Variants in CCDC85A observed in about 807,000 individuals in gnomAD.
CCDC85A encodes coiled-coil domain containing 85A, also known as coiled-coil domain-containing protein 85A.
In CCDC85A, 38 loss-of-function variants were observed where a neutral mutation model predicts 50.2. The ratio of observed to expected loss-of-function variants is 0.76; its 90% CI spans 0.58 to 0.99. The LOEUF (loss-of-function observed/expected upper bound fraction) is 0.99. Among genes scored for constraint, CCDC85A ranks in the 50% least tolerant of loss-of-function variants. CCDC85A has a pLI of 0.00. For missense variants in CCDC85A, 820 were observed against 742.0 expected (o/e 1.11, Z -1.22); for synonymous variants, 366 against 301.4 (o/e 1.21, Z -2.22).
chr2:56,378,020 C>T (rs1163979367), intron 5 of CCDC85A, among the ~76,000 whole-genome samples: 1 of 152,040 alleles, frequency 6.6e-6, no homozygotes, highest in Non-Finnish European at 1.5e-5. Context: ...AAACTGGGGA[C>T]CCTTGAATAT....
At chr2:56,349,688 A>T (rs1674810246) in intron 3 of CCDC85A, among the ~76,000 whole-genome samples, 1 of 152,196 alleles carries the variant, frequency 6.6e-6, no homozygotes, top group Admixed American at 6.5e-5. Context: ...AAATATGGCC[A>T]CGCTGCTGAT....
chr2:56,312,869 G>T, intron 2 of CCDC85A, among the ~76,000 whole-genome samples: 1 of 150,160 alleles, frequency 6.7e-6, no homozygotes, highest in East Asian at 1.9e-4. Context: ...AAACTGATTT[G>T]ATATATTTGT....
chr2:56,302,769 T>C (rs560114277), intron 2 of CCDC85A, among the ~76,000 whole-genome samples: 54 of 152,370 alleles, frequency 3.5e-4, no homozygotes, highest in South Asian at 1.0e-3. Flanking sequence ...TTTATTTGTA[T>C]ATGTTACATA....
chr2:56,358,888 G>T (rs965286443), intron 3 of CCDC85A, among the ~76,000 whole-genome samples: 3 of 151,442 alleles, frequency 2.0e-5, no homozygotes, highest in Middle Eastern at 3.4e-3. Flanking sequence ...AGGTTCAAGC[G>T]CTTCTTCTGC....
intron 2 of CCDC85A, among the ~76,000 whole-genome samples, chr2:56,327,981 G>A (rs1370679456): frequency 2.0e-5 from 3 of 152,022 alleles, no homozygotes; most frequent in Admixed American, 1.3e-4. Context: ...AATCTAATAA[G>A]GAAGATACTG....
intron 3 of CCDC85A, among the ~76,000 whole-genome samples, chr2:56,371,420 A>C (rs901899577): frequency 2.0e-5 from 3 of 152,096 alleles, no homozygotes; most frequent in Non-Finnish European, 4.4e-5. Flanking sequence ...TTAAAATTTT[A>C]TGTTCTTATT....
At chr2:56,275,624 C>CAAT (rs1206070598) in intron 2 of CCDC85A, among the ~76,000 whole-genome samples, 1 of 152,144 alleles carries the variant, frequency 6.6e-6, no homozygotes, top group African/African-American at 2.4e-5. Flanking sequence ...TACTATTGAC[C>CAAT]AATACTGAGC....
At chr2:56,240,087 T>A (rs780690605) in intron 2 of CCDC85A, among the ~76,000 whole-genome samples, 5 of 152,174 alleles carry the variant, frequency 3.3e-5, no homozygotes, top group Non-Finnish European at 7.3e-5. Context: ...TTCACAGAGT[T>A]GTACAATGAT....
chr2:56,214,937 A>G (rs1161953677), intron 2 of CCDC85A, among the ~76,000 whole-genome samples: 1 of 151,936 alleles, frequency 6.6e-6, no homozygotes, highest in Non-Finnish European at 1.5e-5. Context: ...TTGGAATTCC[A>G]TTGAACCTAC....
chr2:56,243,768 A>T (rs1181052707), intron 2 of CCDC85A, among the ~76,000 whole-genome samples: 9 of 152,150 alleles, frequency 5.9e-5, no homozygotes, highest in Admixed American at 5.9e-4. Flanking sequence ...GTTTGTACCT[A>T]TCCTTCTTAG....
At chr2:56,378,353 A>G (rs1419111318) in intron 5 of CCDC85A, among the ~76,000 whole-genome samples, 1 of 152,226 alleles carries the variant, frequency 6.6e-6, no homozygotes, top group Non-Finnish European at 1.5e-5. Flanking sequence ...TTGTGATGAC[A>G]CTATATTCTT....
intron 2 of CCDC85A, among the ~76,000 whole-genome samples, chr2:56,310,425 G>T (rs950685023): frequency 6.6e-6 from 1 of 152,124 alleles, no homozygotes; most frequent in Non-Finnish European, 1.5e-5. Flanking sequence ...AGAAATCCCA[G>T]TGTTTATCTT....
At position 56,366,551 on chromosome 2, in the gene CCDC85A, T is replaced by C. The variant is rs150213879; in HGVS notation, c.1318-5793T>C. ...CCTTTGCTATTTGTATGTCTTCTTT[T>C]TAAGAAATGTCTATTCAGGTCCTTT... is the stretch of plus-strand genomic sequence containing the variant. On this transcript the variant is annotated intron_variant, in intron 3 of 5. Transcript: ENST00000407595. 3.3e-3 allele frequency among the ~76,000 whole-genome samples: 500 copies of C among 152,374 alleles called. 4 individuals carry two copies. The highest frequency in any genetic ancestry group is 0.011 in the African/African-American group (464 of 41,590).
At chr2:56,230,328 T>A (rs1245754465) in intron 2 of CCDC85A, among the ~76,000 whole-genome samples, 1 of 152,216 alleles carries the variant, frequency 6.6e-6, no homozygotes, top group African/African-American at 2.4e-5. Flanking sequence ...ATGTAATTCC[T>A]GAACACAGGC....
At chr2:56,252,516 A>G (rs1160617679) in intron 2 of CCDC85A, among the ~76,000 whole-genome samples, 1 of 151,976 alleles carries the variant, frequency 6.6e-6, no homozygotes, top group Admixed American at 6.6e-5. Flanking sequence ...GGAGAATTGC[A>G]CTATGATCAG....
intron 5 of CCDC85A, among the ~76,000 whole-genome samples, chr2:56,377,931 T>A (rs886588389): frequency 1.3e-5 from 2 of 151,866 alleles, no homozygotes; most frequent in African/African-American, 4.8e-5. Flanking sequence ...AGAGGGAGAT[T>A]TTATGTTATA....
chr2:56,341,474 G>C (rs1674368100), intron 2 of CCDC85A, among the ~76,000 whole-genome samples: 2 of 152,102 alleles, frequency 1.3e-5, no homozygotes, highest in African/African-American at 4.8e-5. Flanking sequence ...GTGTGCTCTG[G>C]AGAAAGTCTA....
At chr2:56,317,934 A>G (rs549096839) in intron 2 of CCDC85A, among the ~76,000 whole-genome samples, 1 of 152,156 alleles carries the variant, frequency 6.6e-6, no homozygotes, top group South Asian at 2.1e-4. Flanking sequence ...CCAAAATCCA[A>G]TCCATCTTCT....
At chr2:56,361,991 A>G (rs1247881011) in intron 3 of CCDC85A, among the ~76,000 whole-genome samples, 1 of 151,996 alleles carries the variant, frequency 6.6e-6, no homozygotes, top group East Asian at 1.9e-4. Flanking sequence ...GATGGTGAGG[A>G]GGGGTTAGAC....
Sources: allele counts gnomAD v4.1 joint callset (sites outside exome capture counted in the v4.1 genomes callset), GRCh38; gene constraint gnomAD v4.1.1; transcripts MANE v1.5; gene names NCBI Gene and HGNC (gene_info 2026-07-23, HGNC 2026-07-21).